PRAMEF20: variants seen among roughly 807,000 people sequenced by gnomAD.
The protein encoded by PRAMEF20 is PRAME family member 20, also known as PRAME family member 20/21.
PRAMEF20 carries 27 observed loss-of-function variants against 32.4 expected under a neutral mutation model. The observed-to-expected ratio is 0.83, with a 90% confidence interval of 0.61 to 1.15. The LOEUF is 1.15. Ranked by LOEUF, PRAMEF20 falls within the 50% of genes most tolerant of loss-of-function variation. PRAMEF20 has a pLI of 0.00. For synonymous variants in PRAMEF20, 256 were observed against 235.4 expected, an observed-to-expected ratio of 1.09 and a Z score of -0.80; for missense variants, 604 against 584.5, an observed-to-expected ratio of 1.03 and a Z score of -0.34.
rs1031712105 is a variant in PRAMEF20 at position 13,419,578 on chromosome 1, C to T, written c.866+878C>T. On this transcript the variant is annotated intron_variant, in intron 2 of 2. Transcript: ENST00000602960. ...CTGGGACAACAGGTGCCCGACACCA[C>T]GCCCGGCTAATTTTTGTTGTATTTT... is the stretch of plus-strand genomic sequence containing the variant. Among the ~76,000 whole-genome samples the T allele has an allele frequency of 2.2e-4, 33 of 152,092 alleles. 1 individual carries two copies. In the South Asian group the frequency reaches 6.0e-3, roughly 28 times the overall value.
Position 13,420,786 on chromosome 1 carries a change from T to C in PRAMEF20, c.956T>C (p.Ile319Thr), listed in dbSNP as rs1324234215. Residue 319 changes from isoleucine to threonine, a missense_variant, in exon 3 of 3, where the codon ATT becomes ACT. Coordinates refer to ENST00000602960, the Ensembl canonical transcript of PRAMEF20. ...AAGCATCTGTCCAAGTACCCGAGCA[T>C]TGGTCAACTAAAGACCCTGGACCTG... 94 of 1,607,288 alleles carry C rather than the reference T, an allele frequency of 5.8e-5. 1 individual carries two copies. In the East Asian group the frequency reaches 1.2e-3, roughly 21 times the overall value.
Position 13,420,392 on chromosome 1 carries a change from G to A in PRAMEF20, c.867-305G>A, listed in dbSNP as rs1035831237. On this transcript the variant is annotated intron_variant, in intron 2 of 2. Transcript: ENST00000602960. The stretch of plus-strand genomic sequence containing the variant: ...TGCCCAGCTAATTTTTGCATTTTTA[G>A]TAGACAGGGTTTTGCCATGTTGGCC... 1.3e-4 allele frequency among the ~76,000 whole-genome samples: 19 copies of A among 151,880 alleles called. No homozygotes were observed. The East Asian group carries it at 3.7e-3, about 30-fold the overall frequency.
upstream of PRAMEF20, among the ~76,000 whole-genome samples, chr1:13,414,245 G>T (rs1641141414): frequency 7.4e-6 from 1 of 135,486 alleles, no homozygotes; most frequent in Admixed American, 8.4e-5. Flanking sequence ...ATTTTTACTA[G>T]AGACTGGATA....
upstream of PRAMEF20, among the ~76,000 whole-genome samples, chr1:13,416,133 C>T (rs1040654790): frequency 2.6e-5 from 4 of 152,216 alleles, no homozygotes; most frequent in East Asian, 1.9e-4. Context: ...GTGGCCCTGC[C>T]TCCTCACTGC....
At chr1:13,415,402 T>C (rs1641158693), upstream of PRAMEF20, among the ~76,000 whole-genome samples, 2 of 152,164 alleles carry the variant, frequency 1.3e-5, no homozygotes, top group Admixed American at 1.3e-4. Context: ...ATTTTTAATA[T>C]GTGTAAGAAG....
At chr1:13,418,537 C>T (rs1201925269) in exon 2 of PRAMEF20, 4 of 1,613,844 alleles carry the variant, frequency 2.5e-6, no homozygotes, top group African/African-American at 1.3e-5. Flanking sequence ...GAGGAATCTT[C>T]GGAAGCTCGT....
At chr1:13,411,778 A>G (rs1641116564), upstream of PRAMEF20, among the ~76,000 whole-genome samples, 1 of 152,184 alleles carries the variant, frequency 6.6e-6, no homozygotes, top group South Asian at 2.1e-4. Flanking sequence ...TGGTTTGACA[A>G]GTGTTCCGTG....
Position 13,421,135 on chromosome 1 carries a change from T to G in PRAMEF20, c.1305T>G (p.Ala435=). The G allele has an allele frequency of 2.5e-6, 4 of 1,613,912 alleles. No homozygotes were observed. In the South Asian group the frequency reaches 4.4e-5, roughly 18 times the overall value. ...GGAGCAGATTTGCCCAACTTGGGGC[T>G]GAGCTGATGGGGAGAGTGAGGGCCT... is the stretch of plus-strand genomic sequence containing the variant. Residue 435 remains alanine (A), a synonymous_variant, in exon 3 of 3, where the codon GCT becomes GCG. Transcript: ENST00000602960.
At chr1:13,419,579 G>A (rs1402838984) in intron 2 of PRAMEF20, among the ~76,000 whole-genome samples, 6 of 151,846 alleles carry the variant, frequency 4.0e-5, no homozygotes, top group African/African-American at 1.2e-4. Flanking sequence ...CCGACACCAC[G>A]CCCGGCTAAT....
upstream of PRAMEF20, among the ~76,000 whole-genome samples, chr1:13,412,047 TATTTA>T (rs1464750319): frequency 7.6e-6 from 1 of 131,134 alleles, no homozygotes; most frequent in South Asian, 2.5e-4. Flanking sequence ...TTTATTTATT[TATTTA>T]ATTTAATTAA....
chr1:13,421,177 G>T, exon 3 of PRAMEF20: 2 of 1,613,924 alleles, frequency 1.2e-6, no homozygotes, highest in Non-Finnish European at 1.7e-6. Flanking sequence ...AGCCCGAGAG[G>T]ATCTTGTTCT....
upstream of PRAMEF20, among the ~76,000 whole-genome samples, chr1:13,415,496 A>G (rs1481729107): frequency 1.3e-5 from 2 of 151,242 alleles, no homozygotes; most frequent in Non-Finnish European, 2.9e-5. Context: ...ATTTTAAATA[A>G]TGAGGCCGGA....
chr1:13,410,457 G>C, the PRAMEF20 span: 1 of 152,094 alleles, frequency 6.6e-6, no homozygotes, highest in Non-Finnish European at 1.5e-5. Flanking sequence ...GAGACCCAAA[G>C]TCTTCAAGCC....
At chr1:13,415,776 C>T (rs892592037), upstream of PRAMEF20, among the ~76,000 whole-genome samples, 8 of 106,304 alleles carry the variant, frequency 7.5e-5, no homozygotes, top group Non-Finnish European at 1.4e-4. Flanking sequence ...GGTGACAGAG[C>T]AAGACCCTGG....
chr1:13,413,642 G>A (rs1641134646), upstream of PRAMEF20, among the ~76,000 whole-genome samples: 1 of 152,136 alleles, frequency 6.6e-6, no homozygotes, highest in African/African-American at 2.4e-5. Flanking sequence ...TGAGATTACA[G>A]GTGTGAGCCA....
upstream of PRAMEF20, among the ~76,000 whole-genome samples, chr1:13,411,626 G>A (rs988072050): frequency 2.0e-5 from 3 of 152,158 alleles, no homozygotes; most frequent in African/African-American, 4.8e-5. Context: ...AATTTTGAAG[G>A]TATAGCTGGC....
chr1:13,416,843 A>G (rs1323313703), intron 1 of PRAMEF20, among the ~76,000 whole-genome samples: 1 of 152,102 alleles, frequency 6.6e-6, no homozygotes, highest in Admixed American at 6.6e-5. Flanking sequence ...GGTAACAGGA[A>G]CCTCTCTTCT....
chr1:13,418,751 G>C lies in PRAMEF20; in HGVS notation c.866+51G>C, dbSNP rs897640739. ...TGCAGACCACAGCAGAGCCTTTCTT[G>C]TTACAGGGGGCATCTACTGTGAGCC... On this transcript the variant is annotated intron_variant, in intron 2 of 2. Coordinates refer to ENST00000602960, the Ensembl canonical transcript of PRAMEF20. 2,119 of 1,610,218 alleles carry C rather than the reference G, an allele frequency of 1.3e-3. 20 individuals are homozygous for C. Among genetic ancestry groups the C allele is most frequent in the South Asian group, 0.011 (998 of 90,998 alleles).
exon 2 of PRAMEF20, chr1:13,418,220 T>A (rs1641203641): frequency 3.1e-6 from 5 of 1,613,824 alleles, no homozygotes; most frequent in Non-Finnish European, 4.2e-6. Flanking sequence ...CCAAATGCCA[T>A]GATGAACAGA....
Sources: allele counts gnomAD v4.1 joint callset (sites outside exome capture counted in the v4.1 genomes callset), GRCh38; gene constraint gnomAD v4.1.1; transcripts MANE v1.5; gene names NCBI Gene and HGNC (gene_info 2026-07-23, HGNC 2026-07-21).